Variants in WDR70 observed in about 807,000 individuals in gnomAD.
The protein encoded by WDR70 is WD repeat-containing protein 70.
A neutral mutation model predicts 88.6 loss-of-function variants in WDR70; 53 were observed. That is an observed-to-expected ratio of 0.60 (90% confidence interval 0.48 to 0.75). The LOEUF is 0.75. Among genes scored for constraint, WDR70 ranks in the 30% least tolerant of loss-of-function variants. The pLI is 0.00. For missense variants in WDR70, 610 were observed against 823.2 expected (o/e 0.74, Z 3.17); for synonymous variants, 280 against 270.0 (o/e 1.04, Z -0.36).
chr5:37,467,809 C>T (rs1191159490), intron 7 of WDR70, among the ~76,000 whole-genome samples: 5 of 151,832 alleles, frequency 3.3e-5, no homozygotes, highest in East Asian at 1.9e-4. Flanking sequence ...CTCCGCCTCC[C>T]GGGTTTACGT....
intron 5 of WDR70, among the ~76,000 whole-genome samples, chr5:37,426,796 T>TG (rs1750137912): frequency 6.6e-5 from 1 of 15,178 alleles, no homozygotes; most frequent in African/African-American, 7.2e-5. Flanking sequence ...ATCTAGGTTC[T>TG]TTTTTTTTTT....
intron 10 of WDR70, among the ~76,000 whole-genome samples, chr5:37,661,264 A>G (rs765863306): frequency 7.9e-5 from 12 of 152,206 alleles, no homozygotes; most frequent in Non-Finnish European, 1.6e-4. Flanking sequence ...TCTTGATGGC[A>G]GCTGAATGCT....
At chr5:37,386,625 A>G (rs1381160997) in intron 3 of WDR70, among the ~76,000 whole-genome samples, 6 of 151,874 alleles carry the variant, frequency 4.0e-5, no homozygotes, top group Non-Finnish European at 8.8e-5. Flanking sequence ...TTTATTTTCA[A>G]TTTTTGTGGG....
intron 10 of WDR70, among the ~76,000 whole-genome samples, chr5:37,669,841 A>T (rs555399528): frequency 6.6e-6 from 1 of 152,354 alleles, no homozygotes; most frequent in African/African-American, 2.4e-5. Flanking sequence ...TTTGGCAATA[A>T]AAAGAAATGA....
intron 13 of WDR70, among the ~76,000 whole-genome samples, chr5:37,705,999 G>A (rs1747311437): frequency 6.6e-6 from 1 of 152,208 alleles, no homozygotes. Context: ...CATATGTGGA[G>A]CCAAACATTG....
At chr5:37,457,864 T>G (rs1402037509) in intron 7 of WDR70, among the ~76,000 whole-genome samples, 2 of 152,100 alleles carry the variant, frequency 1.3e-5, no homozygotes, top group Admixed American at 1.3e-4. Flanking sequence ...AACACTATGT[T>G]GAATAGGAGC....
At chr5:37,724,516 C>G (rs1022729277) in intron 15 of WDR70, 1 of 160,032 alleles carries the variant, frequency 6.2e-6, no homozygotes, top group African/African-American at 2.4e-5. Context: ...TGAAGTGATT[C>G]CAGTGTTTAT....
intron 8 of WDR70, chr5:37,506,171 A>G (rs2112231408): frequency 9.6e-7 from 1 of 1,045,532 alleles, no homozygotes; most frequent in South Asian, 1.3e-5. Flanking sequence ...AACGAGAAAC[A>G]TCAGCACCAC....
intron 10 of WDR70, among the ~76,000 whole-genome samples, chr5:37,678,413 T>A (rs377489844): frequency 6.6e-6 from 1 of 152,194 alleles, no homozygotes; most frequent in African/African-American, 2.4e-5. Flanking sequence ...AGGAGCTCTT[T>A]TAGGGCAGGC....
At chr5:37,528,893 CA>C (rs1290022891) in intron 9 of WDR70, among the ~76,000 whole-genome samples, 2 of 139,932 alleles carry the variant, frequency 1.4e-5, no homozygotes, top group Admixed American at 1.5e-4. Flanking sequence ...TTGCCTAAGC[CA>C]ATGTCTAGAG....
intron 6 of WDR70, among the ~76,000 whole-genome samples, chr5:37,439,579 A>G (rs898454738): frequency 5.9e-5 from 9 of 151,356 alleles, no homozygotes; most frequent in Non-Finnish European, 2.9e-5. Context: ...TATGTTTTAC[A>G]CATTGAAAAT....
At position 37,613,942 on chromosome 5, in the gene WDR70, C is replaced by G. The variant is rs190202668; in HGVS notation, c.1092+8704C>G. ...TACTGAGAGTCAGGAAAACTATGGC[C>G]ATGTACCAAATCTAGCCCACTACCT... On this transcript the variant is annotated intron_variant, in intron 10 of 17. Coordinates refer to ENST00000265107, the MANE Select transcript of WDR70 (RefSeq NM_018034.4). Among the ~76,000 whole-genome samples, 40 of 152,274 alleles carry G rather than the reference C, an allele frequency of 2.6e-4. No homozygotes were observed. In the East Asian group the frequency reaches 7.5e-3, roughly 29 times the overall value.
At chr5:37,417,630 C>T (rs1749802371) in intron 5 of WDR70, among the ~76,000 whole-genome samples, 6 of 151,362 alleles carry the variant, frequency 4.0e-5, no homozygotes, top group Admixed American at 4.0e-4. Flanking sequence ...CCTCAAATTC[C>T]TGGGCTTAAG....
chr5:37,661,577 T>G (rs1745700469), intron 10 of WDR70, among the ~76,000 whole-genome samples: 1 of 152,206 alleles, frequency 6.6e-6, no homozygotes, highest in Non-Finnish European at 1.5e-5. Context: ...AATTAGTCTC[T>G]TCAAGCATTC....
At chr5:37,607,377 AATGGTTAATCTGT>A (rs1187424083) in intron 10 of WDR70, among the ~76,000 whole-genome samples, 1 of 152,186 alleles carries the variant, frequency 6.6e-6, no homozygotes, top group East Asian at 1.9e-4. Flanking sequence ...TATGATGGAT[AATGGTTAATCTGT>A]ATTTTGTGAT....
At chr5:37,633,332 G>A (rs894052754) in intron 10 of WDR70, among the ~76,000 whole-genome samples, 1 of 151,910 alleles carries the variant, frequency 6.6e-6, no homozygotes, top group Non-Finnish European at 1.5e-5. Flanking sequence ...AATATGTCAA[G>A]CCCATGTACA....
chr5:37,571,191 C>T (rs1362316954), intron 9 of WDR70, among the ~76,000 whole-genome samples: 4 of 152,124 alleles, frequency 2.6e-5, no homozygotes, highest in Admixed American at 6.6e-5. Context: ...ACTTCAAAAC[C>T]GAAATTTCTA....
intron 3 of WDR70, 116 bp from the exon 4 acceptor site, chr5:37,391,884 C>G (rs1748830276): frequency 7.6e-6 from 9 of 1,186,868 alleles, no homozygotes; most frequent in Admixed American, 3.2e-5. Flanking sequence ...GCTGTTACTG[C>G]TAACACTCTA....
intron 17 of WDR70, among the ~76,000 whole-genome samples, chr5:37,744,373 C>T (rs939001914): frequency 6.6e-6 from 1 of 152,050 alleles, no homozygotes; most frequent in African/African-American, 2.4e-5. Context: ...GCCTCTTCTC[C>T]TCCAAATGAT....
Sources: gnomAD v4.1 joint callset for allele counts (sites outside exome capture counted in the v4.1 genomes callset) on GRCh38, gnomAD v4.1.1 for gene constraint, MANE v1.5 for transcripts, NCBI Gene and HGNC (gene_info 2026-07-23, HGNC 2026-07-21) for gene names.